Variants in OPCML observed in about 807,000 individuals in gnomAD.
OPCML encodes opioid binding protein/cell adhesion molecule like, also known as opioid-binding protein/cell adhesion molecule.
OPCML carries 13 observed loss-of-function variants against 37.8 expected under a neutral mutation model. The observed-to-expected ratio is 0.34, with a 90% CI of 0.22 to 0.55. The LOEUF is 0.55. OPCML is among the 20% of genes least tolerant of loss of function. The pLI, the probability that OPCML is intolerant of heterozygous loss-of-function variation, is 0.91. For synonymous variants in OPCML, 176 were observed against 168.8 expected (o/e 1.04, Z -0.33); for missense variants, 341 against 435.6 (o/e 0.78, Z 1.93).
At position 132,434,820 on chromosome 11, in the gene OPCML, C is replaced by G. The variant is rs2096007920; in HGVS notation, c.916+1266G>C. Among the ~76,000 whole-genome samples the G allele has an allele frequency of 2.0e-5, 3 of 152,082 alleles. No homozygotes were observed. The South Asian group carries it at 6.3e-4, about 32-fold the overall frequency. On this transcript the variant is annotated intron_variant, in intron 7 of 7. Transcript: ENST00000524381. ...CCCACTGAGACAGTTATCTATTAAT[C>G]CAGTTGGTCTCTGGGCTGGGTTGCT...
chr11:133,001,078 C>A (rs1291892382), intron 1 of OPCML, among the ~76,000 whole-genome samples: 1 of 152,194 alleles, frequency 6.6e-6, no homozygotes, highest in Admixed American at 6.5e-5. Context: ...GTACAGTCTG[C>A]AGAACCATGA....
chr11:133,133,741 G>A (rs905616420), intron 1 of OPCML, among the ~76,000 whole-genome samples: 3 of 152,092 alleles, frequency 2.0e-5, no homozygotes, highest in African/African-American at 7.2e-5. Context: ...CCAGCTTCCT[G>A]GGGTTTGCCT....
At chr11:133,259,860 T>G (rs1941435455) in intron 1 of OPCML, among the ~76,000 whole-genome samples, 1 of 152,206 alleles carries the variant, frequency 6.6e-6, no homozygotes, top group South Asian at 2.1e-4. Context: ...AAGCACCTTC[T>G]ATGTCTAGGC....
chr11:132,576,603 T>C (rs1171498473), intron 3 of OPCML, among the ~76,000 whole-genome samples: 2 of 152,212 alleles, frequency 1.3e-5, no homozygotes, highest in African/African-American at 4.8e-5. Flanking sequence ...ATTATGTAAC[T>C]CTATTTCTAT....
At chr11:132,858,387 G>A (rs1232739353) in intron 2 of OPCML, among the ~76,000 whole-genome samples, 1 of 152,168 alleles carries the variant, frequency 6.6e-6, no homozygotes, top group Non-Finnish European at 1.5e-5. Flanking sequence ...CCTGCAGGAG[G>A]CATGCACCTC....
chr11:132,528,436 T>G (rs115356344), intron 4 of OPCML, among the ~76,000 whole-genome samples: 23 of 152,322 alleles, frequency 1.5e-4, no homozygotes, highest in African/African-American at 5.5e-4. Flanking sequence ...TGGGGCAAGT[T>G]TTATTTCCAA....
At chr11:132,522,177 C>T (rs184452770) in intron 4 of OPCML, among the ~76,000 whole-genome samples, 9 of 152,334 alleles carry the variant, frequency 5.9e-5, no homozygotes, top group East Asian at 3.9e-4. Flanking sequence ...CTTTGTATTG[C>T]TGTGTAGTAT....
intron 1 of OPCML, among the ~76,000 whole-genome samples, chr11:133,097,992 A>T (rs1949029090): frequency 6.6e-6 from 1 of 152,180 alleles, no homozygotes; most frequent in Non-Finnish European, 1.5e-5. Context: ...GAAGTAGAGG[A>T]AATAACTCTT....
At chr11:133,474,483 A>G (rs1476824538) in intron 1 of OPCML, among the ~76,000 whole-genome samples, 1 of 152,254 alleles carries the variant, frequency 6.6e-6, no homozygotes, top group Non-Finnish European at 1.5e-5. Context: ...AAGAGATTAC[A>G]GTCTCATGTA....
At chr11:132,610,612 G>A (rs1441667825) in intron 3 of OPCML, among the ~76,000 whole-genome samples, 1 of 152,192 alleles carries the variant, frequency 6.6e-6, no homozygotes, top group Non-Finnish European at 1.5e-5. Context: ...AACTAGGGGA[G>A]TGGGTGGGGG....
At chr11:133,494,166 A>G (rs965615924) in intron 1 of OPCML, among the ~76,000 whole-genome samples, 23 of 152,322 alleles carry the variant, frequency 1.5e-4, no homozygotes, top group African/African-American at 5.3e-4. Context: ...CAAAACCACA[A>G]TGAGATACCA....
At chr11:132,683,617 T>G (rs945700452) in intron 2 of OPCML, among the ~76,000 whole-genome samples, 1 of 152,238 alleles carries the variant, frequency 6.6e-6, no homozygotes, top group Non-Finnish European at 1.5e-5. Flanking sequence ...AATGAGAAGT[T>G]TGTAAAAGAC....
At chr11:133,380,308 G>A (rs765765825) in intron 1 of OPCML, among the ~76,000 whole-genome samples, 35 of 152,074 alleles carry the variant, frequency 2.3e-4, no homozygotes, top group Non-Finnish European at 4.6e-4. Context: ...ACAAATAAAA[G>A]GCAATCACAG....
At chr11:133,495,273 T>C (rs193061802) in intron 1 of OPCML, among the ~76,000 whole-genome samples, 4 of 152,368 alleles carry the variant, frequency 2.6e-5, no homozygotes, top group African/African-American at 7.2e-5. Flanking sequence ...CCATTGTATA[T>C]ATACCACAGT....
In OPCML at chr11:132,964,182, A is replaced by G. The variant is rs144103149; in HGVS notation, c.62-21172T>C. Among the ~76,000 whole-genome samples the G allele has an allele frequency of 7.4e-4, 113 of 152,348 alleles. 2 individuals are homozygous for G. Among genetic ancestry groups the G allele is most frequent in the Middle Eastern group, 3.4e-3 (1 of 294 alleles). On this transcript the variant is annotated intron_variant, in intron 1 of 7. Transcript: ENST00000524381. ...AAAGGAAATGAGAGAAGAAGGATAT[A>G]TAAGTAAAAGAGAAGAATCGTTTCA...
intron 1 of OPCML, among the ~76,000 whole-genome samples, chr11:133,204,225 T>A (rs1938935595): frequency 6.6e-6 from 1 of 152,210 alleles, no homozygotes; most frequent in Non-Finnish European, 1.5e-5. Context: ...GTTATCTGAA[T>A]GTCAAATTAA....
At chr11:133,229,996 A>G (rs1487464006) in intron 1 of OPCML, among the ~76,000 whole-genome samples, 3 of 151,970 alleles carry the variant, frequency 2.0e-5, no homozygotes, top group African/African-American at 7.2e-5. Context: ...GCTTGACTCT[A>G]TTAGATATTT....
At chr11:132,989,505 T>C (rs137863156) in intron 1 of OPCML, among the ~76,000 whole-genome samples, 2 of 151,984 alleles carry the variant, frequency 1.3e-5, no homozygotes, top group South Asian at 4.1e-4. Flanking sequence ...AAGATACACA[T>C]GGAATTCTGA....
chr11:133,400,623 C>T (rs1413500035), intron 1 of OPCML, among the ~76,000 whole-genome samples: 1 of 152,014 alleles, frequency 6.6e-6, no homozygotes, highest in East Asian at 1.9e-4. Context: ...TATGTTACCA[C>T]AATAATAAAT....
Sources: allele counts gnomAD v4.1 joint callset (sites outside exome capture counted in the v4.1 genomes callset), GRCh38; gene constraint gnomAD v4.1.1; transcripts MANE v1.5; gene names NCBI Gene and HGNC (gene_info 2026-07-23, HGNC 2026-07-21).